The following CFAP61 variants were observed in gnomAD, a reference collection of about 807,000 sequenced individuals.
The protein encoded by CFAP61 is cilia and flagella associated protein 61, also known as cilia- and flagella-associated protein 61.
CFAP61 carries 107 observed loss-of-function variants against 135.6 expected under a neutral mutation model. The observed-to-expected ratio is 0.79, with a 90% CI of 0.67 to 0.93. The LOEUF (loss-of-function observed/expected upper bound fraction) is 0.93, where lower values mean the gene tolerates loss of function less well. Ranked by LOEUF, CFAP61 falls within the 40% of genes least tolerant of loss-of-function variation. The pLI is 0.00. For missense variants in CFAP61, 1,507 were observed against 1,556.2 expected (o/e 0.97, Z 0.53); for synonymous variants, 575 against 578.5 (o/e 0.99, Z 0.09).
chr20:20,290,199 CGCCACTGCAG>C lies in CFAP61; in HGVS notation c.3125-98_3125-89del. 9.2e-6 allele frequency: 7 copies of C among 764,228 alleles called. 1 individual carries two copies. In the South Asian group the frequency reaches 1.1e-4, roughly 12 times the overall value. The allele number at this position is 764,228 out of a possible 1,614,324, so 47.3% of individuals were successfully genotyped here. On this transcript the variant is annotated intron_variant, in intron 23 of 26. Transcript: ENST00000245957. ...TTAGTGTGAAAGTTTGAGGAGCATACGCCACTGCAGGCATCTGTTTGTCCTGTGATGAAAA... is the reference window on the plus strand; with the variant it reads ...TTAGTGTGAAAGTTTGAGGAGCATACGCATCTGTTTGTCCTGTGATGAAAA...
At position 20,338,443 on chromosome 20, in the gene CFAP61, A is replaced by G. The variant is rs560413237; in HGVS notation, c.3423-3388A>G. Reference sequence around the variant, plus strand: ...TTTTTCATGCCAAGAGAAAACTAGAATGCTTTTTGTTAAAAAAAATCTTGG... The same window carrying G: ...TTTTTCATGCCAAGAGAAAACTAGAGTGCTTTTTGTTAAAAAAAATCTTGG... On this transcript the variant is annotated intron_variant, in intron 25 of 26. Transcript: ENST00000245957. 5.3e-5 allele frequency among the ~76,000 whole-genome samples: 8 copies of G among 152,252 alleles called. No homozygotes were observed. The East Asian group carries it at 1.5e-3, about 29-fold the overall frequency.
At chr20:20,325,683 A>G (rs915498457) in intron 25 of CFAP61, among the ~76,000 whole-genome samples, 2 of 152,234 alleles carry the variant, frequency 1.3e-5, no homozygotes, top group Non-Finnish European at 2.9e-5. Context: ...TAACATGTAC[A>G]AGTTTTTGTA....
intron 8 of CFAP61, among the ~76,000 whole-genome samples, chr20:20,125,139 T>G (rs1157317604): frequency 6.6e-6 from 1 of 151,890 alleles, no homozygotes; most frequent in Non-Finnish European, 1.5e-5. Context: ...GCTAATGGTC[T>G]GTCAATTTTA....
At chr20:20,313,429 C>G (rs4813383) in intron 25 of CFAP61, among the ~76,000 whole-genome samples, 1 of 152,110 alleles carries the variant, frequency 6.6e-6, no homozygotes, top group Non-Finnish European at 1.5e-5. Context: ...TTTATATCCC[C>G]GCAATTCAGT....
At chr20:20,286,355 G>C (rs2054589038) in intron 22 of CFAP61, among the ~76,000 whole-genome samples, 1 of 152,214 alleles carries the variant, frequency 6.6e-6, no homozygotes. Flanking sequence ...TTCCCATCTT[G>C]TTGGCATTCA....
chr20:20,182,282 G>A (rs1265799294), intron 13 of CFAP61, among the ~76,000 whole-genome samples: 1 of 152,096 alleles, frequency 6.6e-6, no homozygotes, highest in Non-Finnish European at 1.5e-5. Flanking sequence ...TTTTAATTAA[G>A]GATTTTAATT....
At chr20:20,079,394 G>A (rs548138440) in intron 6 of CFAP61, among the ~76,000 whole-genome samples, 13 of 151,908 alleles carry the variant, frequency 8.6e-5, no homozygotes, top group South Asian at 8.3e-4. Flanking sequence ...CGGAATAAAT[G>A]GGAGGTAAGG....
chr20:20,219,117 A>G (rs2048228032), intron 17 of CFAP61, among the ~76,000 whole-genome samples: 1 of 152,180 alleles, frequency 6.6e-6, no homozygotes, highest in African/African-American at 2.4e-5. Flanking sequence ...TATCGAAATG[A>G]CCAATCCACT....
chr20:20,052,829 C>T (rs2043854228), intron 1 of CFAP61: 5 of 1,120,718 alleles, frequency 4.5e-6, no homozygotes, highest in Non-Finnish European at 6.3e-6. Context: ...GAGCTGCCGC[C>T]CTTTTAGGCT....
chr20:20,121,787 C>T (rs2146696061), intron 8 of CFAP61, among the ~76,000 whole-genome samples: 2 of 152,280 alleles, frequency 1.3e-5, no homozygotes, highest in South Asian at 4.1e-4. Flanking sequence ...AGCCACTGCA[C>T]CTAGCTGATA....
At chr20:20,242,452 T>G (rs905798442) in intron 18 of CFAP61, among the ~76,000 whole-genome samples, 2 of 152,204 alleles carry the variant, frequency 1.3e-5, no homozygotes, top group Non-Finnish European at 2.9e-5. Flanking sequence ...TCTACTTAGG[T>G]GCACTTTACC....
intron 26 of CFAP61, among the ~76,000 whole-genome samples, chr20:20,356,203 GGTCATACTGTGAGTGAGGAGCTA>G (rs1204136004): frequency 7.3e-6 from 1 of 137,064 alleles, no homozygotes; most frequent in African/African-American, 2.7e-5. Flanking sequence ...GAGGGGAGGT[GGTCATACTGTGAGTGAGGAGCTA>G]GTCACACTGA....
chr20:20,219,395 G>A (rs1378171720), intron 17 of CFAP61, among the ~76,000 whole-genome samples: 1 of 152,110 alleles, frequency 6.6e-6, no homozygotes. Flanking sequence ...ACTCTTTGCT[G>A]TATAGTTTAA....
intron 20 of CFAP61, among the ~76,000 whole-genome samples, chr20:20,256,153 A>C (rs1029521179): frequency 2.6e-5 from 4 of 152,204 alleles, no homozygotes; most frequent in Non-Finnish European, 4.4e-5. Context: ...GAAAGTTGCC[A>C]AGTGACTCCT....
At chr20:20,204,754 C>G (rs1275300657) in intron 17 of CFAP61, among the ~76,000 whole-genome samples, 1 of 152,070 alleles carries the variant, frequency 6.6e-6, no homozygotes, top group East Asian at 1.9e-4. Flanking sequence ...AAAGGCAGAC[C>G]TGTATTTTTT....
At chr20:20,067,318 C>CA (rs942647891) in intron 2 of CFAP61, among the ~76,000 whole-genome samples, 51 of 152,174 alleles carry the variant, frequency 3.4e-4, no homozygotes, top group African/African-American at 9.4e-4. Context: ...CGTGGTAGCT[C>CA]ACGCCTGTAA....
intron 9 of CFAP61, among the ~76,000 whole-genome samples, chr20:20,155,164 T>TA (rs1204823109): frequency 2.6e-5 from 4 of 151,608 alleles, no homozygotes; most frequent in African/African-American, 9.7e-5. Flanking sequence ...AACAAAAACA[T>TA]AAAGTAGGAA....
chr20:20,077,938 G>A (rs1013904284), intron 6 of CFAP61, among the ~76,000 whole-genome samples: 39 of 152,238 alleles, frequency 2.6e-4, no homozygotes, highest in Middle Eastern at 6.8e-3. Context: ...ATTCTCTCTT[G>A]GATCAGGAAA....
chr20:20,309,144 C>G (rs560254370), intron 25 of CFAP61, among the ~76,000 whole-genome samples: 1 of 152,292 alleles, frequency 6.6e-6, no homozygotes, highest in South Asian at 2.1e-4. Flanking sequence ...TTCACAGGTG[C>G]AGCATTCTCC....
Sources: gnomAD v4.1 joint callset for allele counts (sites outside exome capture counted in the v4.1 genomes callset) on GRCh38, gnomAD v4.1.1 for gene constraint, MANE v1.5 for transcripts, NCBI Gene and HGNC (gene_info 2026-07-23, HGNC 2026-07-21) for gene names.